TRPC1: variants seen among roughly 807,000 people sequenced by gnomAD.
TRPC1 encodes the protein short transient receptor potential channel 1.
Under a neutral mutation model 88.2 loss-of-function variants are expected in TRPC1, and 42 were observed. That is an observed-to-expected ratio of 0.48 (90% CI 0.37 to 0.62). The LOEUF is 0.62. Among genes scored for constraint, TRPC1 ranks in the 20% least tolerant of loss-of-function variants. The pLI is 0.00. For synonymous variants in TRPC1, 288 were observed against 331.8 expected (o/e 0.87, Z 1.43); for missense variants, 699 against 957.3 (o/e 0.73, Z 3.56).
At chr3:142,794,361 A>G (rs1267601948) in intron 9 of TRPC1, among the ~76,000 whole-genome samples, 1 of 152,128 alleles carries the variant, frequency 6.6e-6, no homozygotes, top group Admixed American at 6.6e-5. Flanking sequence ...AATATTTTTT[A>G]GGAATGAAGA....
chr3:142,782,671 G>C (rs199635069), intron 6 of TRPC1, among the ~76,000 whole-genome samples: 1 of 152,262 alleles, frequency 6.6e-6, no homozygotes, highest in East Asian at 1.9e-4. Flanking sequence ...TCTGGTGTCT[G>C]AGCAGCAGCT....
chr3:142,733,586 A>G (rs1374595786), intron 1 of TRPC1, among the ~76,000 whole-genome samples: 3 of 152,194 alleles, frequency 2.0e-5, no homozygotes, highest in Non-Finnish European at 2.9e-5. Context: ...ACAGCAATCT[A>G]AACTTTTAAA....
rs530699548 is a variant in TRPC1, at chr3:142,729,101, C to T, written c.172+4370C>T. ...ACAATGTAATAGTTGAAAAACATTGCCATGGCGAACGGTTCAGGGATACTT... is the reference window on the plus strand; with the variant it reads ...ACAATGTAATAGTTGAAAAACATTGTCATGGCGAACGGTTCAGGGATACTT... On this transcript the variant is annotated intron_variant, in intron 1 of 12. Coordinates refer to ENST00000476941, the MANE Select transcript of TRPC1 (RefSeq NM_001251845.2). 2.6e-4 allele frequency among the ~76,000 whole-genome samples: 40 copies of T among 152,172 alleles called. 1 individual carries two copies. The highest frequency in any genetic ancestry group is 4.9e-4 in the Non-Finnish European group (33 of 68,036).
chr3:142,759,483 A>C (rs1174626898), intron 4 of TRPC1, among the ~76,000 whole-genome samples: 1 of 152,190 alleles, frequency 6.6e-6, no homozygotes, highest in Non-Finnish European at 1.5e-5. Flanking sequence ...TCTTTTGAGA[A>C]GTGTCTGTTC....
chr3:142,731,049 G>A (rs1933883119), intron 1 of TRPC1, among the ~76,000 whole-genome samples: 1 of 152,056 alleles, frequency 6.6e-6, no homozygotes, highest in African/African-American at 2.4e-5. Flanking sequence ...ATTTCTCAAG[G>A]GTTTATTACA....
rs1426475280 is a variant in TRPC1, at chr3:142,736,471, A to G, written c.265A>G (p.Thr89Ala). Reference sequence around the variant, plus strand: ...AGATGTGCTTGGGAGAAATGCTGTTACCATAACTATTGAAAACGAAAACTT... The same window carrying G: ...AGATGTGCTTGGGAGAAATGCTGTTGCCATAACTATTGAAAACGAAAACTT... ...CVDVLGRNAV[T>A]ITIENENLDI... Residue 89 changes from threonine to alanine, a missense_variant, in exon 2 of 13, where the codon ACC (threonine) becomes GCC (alanine). Physicochemically the swap from Thr to Ala is moderately conservative, Grantham distance 58 (BLOSUM62 0). Around this residue, in one of 4 missense-constraint regions of TRPC1, gnomAD observed 157 missense variants for 127.0 expected, o/e 1.24. Transcript: ENST00000476941. 6.2e-7 allele frequency: 1 copy of G among 1,612,612 alleles called. No homozygotes were observed. The highest frequency in any genetic ancestry group is 1.1e-5 in the South Asian group (1 of 90,870).
At chr3:142,795,994 TAAC>T (rs1260340806) in intron 9 of TRPC1, among the ~76,000 whole-genome samples, 1 of 152,124 alleles carries the variant, frequency 6.6e-6, no homozygotes, top group Non-Finnish European at 1.5e-5. Context: ...ATAATAGTAA[TAAC>T]AGCAGACATT....
At chr3:142,756,361 C>CTT (rs749438384) in intron 4 of TRPC1, among the ~76,000 whole-genome samples, 1,902 of 136,556 alleles carry the variant, frequency 0.014, 52 homozygotes, top group East Asian at 0.089. Context: ...TATGATGGTT[C>CTT]TTTTTTTTTT....
At chr3:142,772,596 G>A (rs1337473939) in intron 4 of TRPC1, among the ~76,000 whole-genome samples, 1 of 152,072 alleles carries the variant, frequency 6.6e-6, no homozygotes, top group Non-Finnish European at 1.5e-5. Flanking sequence ...AGGAGTTCAA[G>A]ACCAGCCTGG....
chr3:142,730,984 G>A (rs1158216412), intron 1 of TRPC1, among the ~76,000 whole-genome samples: 1 of 152,180 alleles, frequency 6.6e-6, no homozygotes, highest in Non-Finnish European at 1.5e-5. Context: ...AGATGCTAAT[G>A]AGGAAGAGGT....
At chr3:142,761,749 T>C (rs1935190726) in intron 4 of TRPC1, among the ~76,000 whole-genome samples, 1 of 152,146 alleles carries the variant, frequency 6.6e-6, no homozygotes, top group African/African-American at 2.4e-5. Flanking sequence ...TTGATCTTGT[T>C]ACTTATGATT....
chr3:142,765,548 A>G (rs1217975594), intron 4 of TRPC1, among the ~76,000 whole-genome samples: 1 of 152,130 alleles, frequency 6.6e-6, no homozygotes, highest in African/African-American at 2.4e-5. Flanking sequence ...GACAAAGTAA[A>G]CAAAAATAAG....
At chr3:142,787,499 A>G (rs2108131630) in intron 7 of TRPC1, among the ~76,000 whole-genome samples, 1 of 152,340 alleles carries the variant, frequency 6.6e-6, no homozygotes, top group East Asian at 1.9e-4. Flanking sequence ...GTAGGTAAAA[A>G]GAGAATAATT....
At chr3:142,772,902 C>G (rs779071856) in intron 4 of TRPC1, among the ~76,000 whole-genome samples, 6 of 152,174 alleles carry the variant, frequency 3.9e-5, no homozygotes, top group African/African-American at 7.2e-5. Flanking sequence ...AGGATCTGTT[C>G]TAGGCCTCTC....
At chr3:142,798,551 A>G (rs1333444112) in intron 9 of TRPC1, among the ~76,000 whole-genome samples, 1 of 152,206 alleles carries the variant, frequency 6.6e-6, no homozygotes, top group Non-Finnish European at 1.5e-5. Context: ...GCAAAGGACA[A>G]AGGGAAAGTA....
At chr3:142,783,616 C>T (rs1936033566) in intron 6 of TRPC1, among the ~76,000 whole-genome samples, 1 of 152,080 alleles carries the variant, frequency 6.6e-6, no homozygotes, top group South Asian at 2.1e-4. Flanking sequence ...GTTTAATCCA[C>T]AGATGTAGGA....
intron 4 of TRPC1, among the ~76,000 whole-genome samples, chr3:142,756,535 A>AT (rs1200353420): frequency 3.3e-5 from 5 of 151,638 alleles, no homozygotes; most frequent in Non-Finnish European, 1.5e-5. Context: ...AATTTTTTGT[A>AT]TTTTTAGTAG....
At chr3:142,733,380 C>T (rs1934006603) in intron 1 of TRPC1, among the ~76,000 whole-genome samples, 1 of 152,060 alleles carries the variant, frequency 6.6e-6, no homozygotes, top group South Asian at 2.1e-4. Context: ...GGCGTGGTGG[C>T]AGCTGCCTGT....
intron 6 of TRPC1, among the ~76,000 whole-genome samples, chr3:142,781,292 TTGA>T (rs1935951229): frequency 6.6e-6 from 1 of 152,202 alleles, no homozygotes; most frequent in South Asian, 2.1e-4. Flanking sequence ...TTTAGTAATA[TTGA>T]TTATAATTAT....
Sources: gnomAD v4.1 joint callset for allele counts (sites outside exome capture counted in the v4.1 genomes callset) on GRCh38, gnomAD v4.1.1 for gene constraint, gnomAD v4.1.1 regional missense constraint, MANE v1.5 for transcripts, NCBI Gene and HGNC (gene_info 2026-07-23, HGNC 2026-07-21) for gene names.